Variants in CD2AP observed in about 807,000 individuals in gnomAD.
CD2AP encodes the protein CD2 associated protein.
In CD2AP, 46 loss-of-function variants were observed where a neutral mutation model predicts 85.1. The ratio of observed to expected loss-of-function variants is 0.54; its 90% confidence interval spans 0.43 to 0.69. The LOEUF (loss-of-function observed/expected upper bound fraction) is 0.69, where lower values mean the gene tolerates loss of function less well. Among genes scored for constraint, CD2AP ranks in the 30% least tolerant of loss-of-function variants. The probability of loss-of-function intolerance (pLI) is 0.00; values close to 1 mark genes in which losing one functional copy is unlikely to be tolerated. For missense variants in CD2AP, 769 were observed against 729.5 expected (o/e 1.05, Z -0.62); for synonymous variants, 255 against 252.9 (o/e 1.01, Z -0.08).
chr6:47,524,398 G>A (rs918600595), intron 2 of CD2AP, among the ~76,000 whole-genome samples: 11 of 152,134 alleles, frequency 7.2e-5, no homozygotes, highest in South Asian at 2.1e-4. Flanking sequence ...TGTTTTTTCC[G>A]TTAGAAGAAA....
chr6:47,568,646 A>G (rs1582570231), intron 5 of CD2AP, among the ~76,000 whole-genome samples: 1 of 152,176 alleles, frequency 6.6e-6, no homozygotes, highest in Admixed American at 6.5e-5. Context: ...TGGGAGGCTG[A>G]GGCAGGAGAT....
At chr6:47,610,955 A>G (rs1214766835) in intron 16 of CD2AP, among the ~76,000 whole-genome samples, 1 of 108,484 alleles carries the variant, frequency 9.2e-6, no homozygotes, top group African/African-American at 3.8e-5. Context: ...TGATTTATAT[A>G]TATATATATA....
chr6:47,516,714 G>C (rs150732047), intron 2 of CD2AP, among the ~76,000 whole-genome samples: 2,290 of 151,794 alleles, frequency 0.015, 220 homozygotes, highest in Admixed American at 0.14. Context: ...TTTTTTTTCA[G>C]TGTGAGTGAC....
rs1226148502 is a variant in CD2AP at position 47,609,123 on chromosome 6, C to A, written c.1633C>A (p.Pro545Thr). The A allele has an allele frequency of 6.3e-7, 1 of 1,594,182 alleles. No homozygotes were observed. Among genetic ancestry groups the A allele is most frequent in the Middle Eastern group, 1.8e-4 (1 of 5,450 alleles). ...LKKDTCYSPK[P>T]SVYLSTPSSA... ...AGAAATTTTTTTTTTACGTTTTCAGCCATCTGTGTACCTTTCAACACCTTC... is the reference window on the plus strand; with the variant it reads ...AGAAATTTTTTTTTTACGTTTTCAGACATCTGTGTACCTTTCAACACCTTC... The change falls in exon 16 of 18, where the codon CCA becomes ACA. Residue 545 changes from proline (P) to threonine (T), a missense_variant and splice_region_variant. By Grantham distance (38) the Pro-to-Thr change is conservative (BLOSUM62 -1). Coordinates refer to ENST00000359314, the MANE Select transcript of CD2AP (RefSeq NM_012120.3).
chr6:47,540,911 A>C (rs1767197501), intron 3 of CD2AP, among the ~76,000 whole-genome samples: 1 of 152,250 alleles, frequency 6.6e-6, no homozygotes, highest in South Asian at 2.1e-4. Flanking sequence ...ATAACACATT[A>C]ATGAACACAG....
At chr6:47,619,791 G>A (rs1025658358) in intron 17 of CD2AP, among the ~76,000 whole-genome samples, 2 of 152,138 alleles carry the variant, frequency 1.3e-5, no homozygotes, top group African/African-American at 4.8e-5. Flanking sequence ...ATCGGATTGT[G>A]GTTTTGATTT....
chr6:47,518,624 T>C (rs1766510611), intron 2 of CD2AP, among the ~76,000 whole-genome samples: 1 of 152,246 alleles, frequency 6.6e-6, no homozygotes, highest in Admixed American at 6.5e-5. Flanking sequence ...TATGCCTCTT[T>C]GTGTGAACAT....
At position 47,608,161 on chromosome 6, in the gene CD2AP, A is replaced by G. The variant is rs988458286; in HGVS notation, c.1632+133A>G. 3 of 706,984 alleles carry G rather than the reference A, an allele frequency of 4.2e-6. No individual in the cohort carries two copies. In the East Asian group the frequency reaches 8.2e-5, roughly 19 times the overall value. 43.8% of individuals were successfully genotyped at this position (706,984 alleles called of 1,614,324 possible). A position where few individuals can be genotyped will look rare whatever the true frequency, so the allele number is the denominator to read the frequency against. On this transcript the variant is annotated intron_variant, in intron 15 of 17. Coordinates refer to ENST00000359314, the MANE Select transcript of CD2AP (RefSeq NM_012120.3). Reference sequence around the variant, plus strand: ...GAAATGAAATAATTGCTGCTAAAAAATTGAGTTGTTTAGCTTCATCAGACT... The same window carrying G: ...GAAATGAAATAATTGCTGCTAAAAAGTTGAGTTGTTTAGCTTCATCAGACT...
At chr6:47,493,354 G>GT (rs11420174) in intron 1 of CD2AP, among the ~76,000 whole-genome samples, 123,698 of 144,530 alleles carry the variant, frequency 0.86, 53,256 homozygotes, top group Non-Finnish European at 0.91. Flanking sequence ...CTAGGTTGGT[G>GT]TTTTTTTTTT....
rs377756180 is a variant in CD2AP at position 47,579,449 on chromosome 6, A to G, written c.968A>G (p.Asn323Ser). 3.7e-6 allele frequency: 6 copies of G among 1,612,722 alleles called. No homozygotes were observed. Among genetic ancestry groups the G allele is most frequent in the African/African-American group, 1.3e-5 (1 of 74,866 alleles). Reference sequence around the variant, plus strand: ...GGTAAAGAAGGAGTATTTCCAGACAATTTTGCTGTCCAGATAAATGAACTT... The same window carrying G: ...GGTAAAGAAGGAGTATTTCCAGACAGTTTTGCTGTCCAGATAAATGAACTT... ...LNGKEGVFPD[N>S]FAVQINELDK... The change falls in exon 9 of 18, where the codon AAT (asparagine) becomes AGT (serine). Residue 323 changes from asparagine to serine, a missense_variant. Physicochemically the swap from Asn to Ser is conservative, Grantham distance 46. Coordinates refer to ENST00000359314, the MANE Select transcript of CD2AP (RefSeq NM_012120.3).
intron 4 of CD2AP, among the ~76,000 whole-genome samples, chr6:47,549,049 T>C (rs1362210594): frequency 1.3e-5 from 2 of 152,106 alleles, no homozygotes; most frequent in African/African-American, 4.8e-5. Context: ...ATAAGGGACA[T>C]ACATCAGTGT....
intron 5 of CD2AP, among the ~76,000 whole-genome samples, chr6:47,559,775 C>G (rs192901070): frequency 5.4e-4 from 82 of 152,210 alleles, no homozygotes; most frequent in African/African-American, 1.8e-3. Flanking sequence ...ATTCATGCAG[C>G]TTTTTCCCAC....
In CD2AP at chr6:47,517,284, C is replaced by CT. The variant is rs746217015; in HGVS notation, c.165+13859dup. ...GCAGAACTGTGAGCCAATTAAACTT[C>CT]TTTTTTTTTTTTTTTGGAGGCGGTT... On this transcript the variant is annotated intron_variant, in intron 2 of 17. Transcript: ENST00000359314. Among the ~76,000 whole-genome samples the CT allele has an allele frequency of 7.4e-3, 1,048 of 141,406 alleles. 5 individuals are homozygous for CT. Among genetic ancestry groups the CT allele is most frequent in the Middle Eastern group, 0.011 (3 of 276 alleles). 92.8% of individuals were successfully genotyped at this position (141,406 alleles called of 152,430 possible).
chr6:47,589,377 T>TACACACACACACACACACACAC (rs1430564786), intron 11 of CD2AP, among the ~76,000 whole-genome samples: 1 of 3,496 alleles, frequency 2.9e-4, no homozygotes, highest in African/African-American at 3.5e-4. Flanking sequence ...AACTCTTGAA[T>TACACACACACACACACACACAC]ATACACACAC....
intron 10 of CD2AP, among the ~76,000 whole-genome samples, chr6:47,581,703 T>C (rs1027314852): frequency 6.6e-6 from 1 of 152,170 alleles, no homozygotes; most frequent in Non-Finnish European, 1.5e-5. Flanking sequence ...TAGTCACATG[T>C]TGGATACTGA....
intron 1 of CD2AP, among the ~76,000 whole-genome samples, chr6:47,497,774 T>C (rs1036952174): frequency 2.0e-5 from 3 of 152,204 alleles, no homozygotes; most frequent in Non-Finnish European, 4.4e-5. Context: ...TAATCATCTT[T>C]AGTTTTTTGT....
At chr6:47,615,778 T>TTTTTA (rs770383303) in intron 17 of CD2AP, among the ~76,000 whole-genome samples, 27,607 of 103,558 alleles carry the variant, frequency 0.27, 3,234 homozygotes, top group East Asian at 0.55. Context: ...TTAATTTTAA[T>TTTTTA]TTTAATTTAA....
chr6:47,487,690 AAAAC>A (rs140796042), intron 1 of CD2AP, among the ~76,000 whole-genome samples: 42,286 of 151,496 alleles, frequency 0.28, 6,041 homozygotes, highest in African/African-American at 0.32. Flanking sequence ...ACTCTGTCTC[AAAAC>A]AAACAAACAA....
chr6:47,553,034 G>C (rs750819428), intron 4 of CD2AP, among the ~76,000 whole-genome samples: 2 of 151,432 alleles, frequency 1.3e-5, no homozygotes, highest in Non-Finnish European at 2.9e-5. Flanking sequence ...GCTCCTAACA[G>C]CATTTTGTTC....
Sources: allele counts gnomAD v4.1 joint callset (sites outside exome capture counted in the v4.1 genomes callset), GRCh38; gene constraint gnomAD v4.1.1; transcripts MANE v1.5; gene names NCBI Gene and HGNC (gene_info 2026-07-23, HGNC 2026-07-21).